The following CNTN5 variants were observed in gnomAD, a reference collection of about 807,000 sequenced individuals.
The protein encoded by CNTN5 is contactin-5.
In CNTN5, 77 loss-of-function variants were observed where a neutral mutation model predicts 129.1. The ratio of observed to expected loss-of-function variants is 0.60; its 90% CI spans 0.50 to 0.72. The LOEUF (loss-of-function observed/expected upper bound fraction) is 0.72, where lower values mean the gene tolerates loss of function less well. Ranked by LOEUF, CNTN5 falls within the 30% of genes least tolerant of loss-of-function variation. CNTN5 has a pLI of 0.00. For synonymous variants in CNTN5, 509 were observed against 465.6 expected (o/e 1.09, Z -1.20); for missense variants, 1,478 against 1,328.8 (o/e 1.11, Z -1.75).
chr11:99,471,430 C>T (rs2135275857), intron 2 of CNTN5, among the ~76,000 whole-genome samples: 1 of 152,148 alleles, frequency 6.6e-6, no homozygotes, highest in Non-Finnish European at 1.5e-5. Context: ...ACTACCTGTC[C>T]TTAAGGTTTC....
Position 100,047,860 on chromosome 11 carries a change from C to T in CNTN5, c.981-13352C>T, listed in dbSNP as rs144408101. On this transcript the variant is annotated intron_variant, in intron 9 of 24. Transcript: ENST00000524871. ...TTATAAAGAAAAAAGAGGCCTGAGG[C>T]GGTGGTTCACGCTGTAATCCCAGCA... Among the ~76,000 whole-genome samples, 270 of 152,042 alleles carry T rather than the reference C, an allele frequency of 1.8e-3. 2 individuals carry two copies. Among genetic ancestry groups the T allele is most frequent in the Middle Eastern group, 0.017 (5 of 294 alleles).
chr11:99,968,647 C>A (rs1951160139), intron 8 of CNTN5, among the ~76,000 whole-genome samples: 1 of 118,368 alleles, frequency 8.4e-6, no homozygotes, highest in Non-Finnish European at 1.7e-5. Flanking sequence ...ATTGGAATAG[C>A]TTTGGGTACT....
chr11:100,218,547 T>G (rs1346669112), intron 15 of CNTN5, among the ~76,000 whole-genome samples: 1 of 152,192 alleles, frequency 6.6e-6, no homozygotes, highest in Non-Finnish European at 1.5e-5. Context: ...GAGAAGGGTC[T>G]CATACTTGAT....
At chr11:99,636,142 A>G (rs1040382659) in intron 3 of CNTN5, among the ~76,000 whole-genome samples, 2 of 152,108 alleles carry the variant, frequency 1.3e-5, no homozygotes, top group African/African-American at 4.8e-5. Context: ...ACCCATATGC[A>G]TATACCAATG....
chr11:99,172,919 A>G (rs1159188151), intron 1 of CNTN5, among the ~76,000 whole-genome samples: 1 of 152,214 alleles, frequency 6.6e-6, no homozygotes, highest in East Asian at 1.9e-4. Context: ...ATAAAGATAT[A>G]CCCGAGATTG....
chr11:100,226,716 G>T (rs1425006901), intron 16 of CNTN5, among the ~76,000 whole-genome samples: 1 of 151,992 alleles, frequency 6.6e-6, no homozygotes, highest in Non-Finnish European at 1.5e-5. Flanking sequence ...TTCCTGGTGA[G>T]TTTTAGACAG....
chr11:99,809,114 C>T (rs1455937369), intron 3 of CNTN5, among the ~76,000 whole-genome samples: 1 of 152,100 alleles, frequency 6.6e-6, no homozygotes, highest in African/African-American at 2.4e-5. Flanking sequence ...GTGAGGACTC[C>T]CCCAGGCCCG....
intron 1 of CNTN5, among the ~76,000 whole-genome samples, chr11:99,037,821 A>C (rs562599570): frequency 2.0e-5 from 3 of 151,616 alleles, no homozygotes; most frequent in South Asian, 4.2e-4. Flanking sequence ...CTCATGATCC[A>C]AAAGTGCTGG....
chr11:100,004,376 C>G (rs182747706), intron 9 of CNTN5, among the ~76,000 whole-genome samples: 6 of 152,230 alleles, frequency 3.9e-5, no homozygotes, highest in African/African-American at 1.4e-4. Flanking sequence ...TCCATGGGGG[C>G]TCTCATTCAT....
At position 99,871,476 on chromosome 11, in the gene CNTN5, G is replaced by A. The variant is rs1398109784; in HGVS notation, c.577+26214G>A. Among the ~76,000 whole-genome samples the A allele has an allele frequency of 2.0e-5, 3 of 151,972 alleles. No individual in the cohort carries two copies. The East Asian group carries it at 5.8e-4, about 29-fold the overall frequency. On this transcript the variant is annotated intron_variant, in intron 6 of 24. Transcript: ENST00000524871. ...TTTCTTCTTTCAAGATTAATCATCA[G>A]GCTGGTGTTAACAGCTGTAATTTGG...
intron 1 of CNTN5, among the ~76,000 whole-genome samples, chr11:99,038,352 G>A (rs1023570872): frequency 6.6e-6 from 1 of 152,096 alleles, no homozygotes; most frequent in African/African-American, 2.4e-5. Flanking sequence ...CATCATTGAT[G>A]TTACATATAC....
At chr11:99,215,082 T>G (rs1191546338) in intron 1 of CNTN5, among the ~76,000 whole-genome samples, 1 of 152,092 alleles carries the variant, frequency 6.6e-6, no homozygotes, top group African/African-American at 2.4e-5. Flanking sequence ...AGTATGTGGC[T>G]CCTTGGCACC....
At chr11:100,164,951 A>G (rs997172732) in intron 13 of CNTN5, among the ~76,000 whole-genome samples, 2 of 151,974 alleles carry the variant, frequency 1.3e-5, no homozygotes, top group South Asian at 2.1e-4. Flanking sequence ...ACCATAAAAT[A>G]TTGTATAAAT....
chr11:100,037,372 G>C lies in CNTN5; in HGVS notation c.981-23840G>C, dbSNP rs545324058. The stretch of plus-strand genomic sequence containing the variant: ...ATGTGCTGCTGGATTTGGTTTGCCA[G>C]TATTTTATTGAGGATTTTTGCATCA... On this transcript the variant is annotated intron_variant, in intron 9 of 24. Transcript: ENST00000524871. 2.7e-3 allele frequency among the ~76,000 whole-genome samples: 403 copies of C among 152,056 alleles called. 1 individual carries two copies. Among genetic ancestry groups the C allele is most frequent in the Admixed American group, 5.2e-3 (80 of 15,266 alleles).
intron 1 of CNTN5, among the ~76,000 whole-genome samples, chr11:99,251,974 A>G (rs1021961129): frequency 3.3e-5 from 5 of 151,966 alleles, no homozygotes; most frequent in African/African-American, 9.7e-5. Flanking sequence ...TTCTATATGT[A>G]ACTTTGATTT....
At chr11:99,253,892 T>C (rs991103852) in intron 1 of CNTN5, among the ~76,000 whole-genome samples, 1 of 107,456 alleles carries the variant, frequency 9.3e-6, no homozygotes, top group Non-Finnish European at 1.9e-5. Flanking sequence ...AACACAAATA[T>C]ACGTTTATAT....
chr11:99,318,740 G>T (rs989326451), intron 1 of CNTN5, among the ~76,000 whole-genome samples: 3 of 152,122 alleles, frequency 2.0e-5, no homozygotes, highest in African/African-American at 7.2e-5. Flanking sequence ...TACCAGACAG[G>T]TGGCAGCAGG....
rs1404257858 is a variant in CNTN5 at position 99,784,793 on chromosome 11, G to GT, written c.56-34750dup. Among the ~76,000 whole-genome samples the GT allele has an allele frequency of 5.3e-3, 457 of 85,682 alleles. 10 individuals are homozygous for GT. Among genetic ancestry groups the GT allele is most frequent in the Admixed American group, 0.049 (386 of 7,926 alleles). 56.2% of individuals were successfully genotyped at this position (85,682 alleles called of 152,430 possible). A position where few individuals can be genotyped will look rare whatever the true frequency, so the allele number is the denominator to read the frequency against. ...AACTGGTGTGAGATGGTATCTCATT[G>GT]TGTTTTTTTTTTTTTTTTTTTTTTG... On this transcript the variant is annotated intron_variant, in intron 3 of 24. Coordinates refer to ENST00000524871, the MANE Select transcript of CNTN5 (RefSeq NM_014361.4).
At chr11:99,758,817 T>C (rs1462087478) in intron 3 of CNTN5, among the ~76,000 whole-genome samples, 1 of 152,056 alleles carries the variant, frequency 6.6e-6, no homozygotes, top group African/African-American at 2.4e-5. Context: ...TGCAAGCATT[T>C]TGAGGTTATT....
Sources: gnomAD v4.1 joint callset for allele counts (sites outside exome capture counted in the v4.1 genomes callset) on GRCh38, gnomAD v4.1.1 for gene constraint, MANE v1.5 for transcripts, NCBI Gene and HGNC (gene_info 2026-07-23, HGNC 2026-07-21) for gene names.